Variants in PLCL2 observed in about 807,000 individuals in gnomAD.
PLCL2 encodes inactive phospholipase C-like protein 2.
In PLCL2, 4 loss-of-function variants were observed where a neutral mutation model predicts 79.6. That is an observed-to-expected ratio of 0.05 (90% CI 0.02 to 0.11). The LOEUF (loss-of-function observed/expected upper bound fraction) is 0.11, where lower values mean the gene tolerates loss of function less well. PLCL2 is among the 10% of genes least tolerant of loss of function. The pLI, the probability that PLCL2 is intolerant of heterozygous loss-of-function variation, is 1.00. For synonymous variants in PLCL2, 484 were observed against 457.7 expected, an observed-to-expected ratio of 1.06 and a Z score of -0.73; for missense variants, 895 against 1,291.0, an observed-to-expected ratio of 0.69 and a Z score of 4.70.
intron 5 of PLCL2, among the ~76,000 whole-genome samples, chr3:17,079,273 C>G (rs559436531): frequency 6.6e-6 from 1 of 152,276 alleles, no homozygotes; most frequent in African/African-American, 2.4e-5. Flanking sequence ...CTGGAACCCT[C>G]TCCTGACACC....
At chr3:17,085,110 A>G (rs1010081305) in intron 5 of PLCL2, among the ~76,000 whole-genome samples, 3 of 152,116 alleles carry the variant, frequency 2.0e-5, no homozygotes, top group Admixed American at 2.0e-4. Context: ...AGGTTAGTAT[A>G]CAAAAATCAA....
At chr3:16,985,004 ATAACTGTTTT>A (rs1294410149) in intron 1 of PLCL2, among the ~76,000 whole-genome samples, 6 of 152,180 alleles carry the variant, frequency 3.9e-5, no homozygotes, top group Non-Finnish European at 8.8e-5. Flanking sequence ...AGAAGCTAAG[ATAACTGTTTT>A]CATGAAGTAT....
Position 17,011,490 on chromosome 3 carries a change from T to C in PLCL2, c.2144T>C (p.Ile715Thr). ...CCAGGACTGATGATGGACCTGAATA[T>C]TGGCTGGTTTAGGCAGAACGGAAAC... ...QTPGLMMDLN[I>T]GWFRQNGNCG... Residue 715 changes from isoleucine (I) to threonine (T), a missense_variant, in exon 2 of 6, where the codon ATT (isoleucine) becomes ACT (threonine). Physicochemically the swap from Ile to Thr is moderately conservative, Grantham distance 89. Coordinates refer to ENST00000615277, the MANE Select transcript of PLCL2 (RefSeq NM_001144382.2). The surrounding 1 kb of genome is among the most constrained non-coding windows in gnomAD (Gnocchi z 7.9). 1.2e-6 allele frequency: 2 copies of C among 1,614,192 alleles called. No homozygotes were observed. The highest frequency in any genetic ancestry group is 1.7e-6 in the Non-Finnish European group (2 of 1,180,026).
rs180745976 is a variant in PLCL2, at chr3:17,072,538, G to A, written c.3204+4473G>A. Among the ~76,000 whole-genome samples the A allele has an allele frequency of 3.9e-5, 6 of 151,992 alleles. No individual in the cohort carries two copies. The East Asian group carries it at 5.8e-4, about 15-fold the overall frequency. ...ACAAAAATTAGTTGGGCATGGTGGC[G>A]GGTGCTTGTAATCCCAGCTACTTGG... On this transcript the variant is annotated intron_variant, in intron 5 of 5. Transcript: ENST00000615277.
intron 1 of PLCL2, among the ~76,000 whole-genome samples, chr3:16,998,709 G>A (rs1348863844): frequency 6.6e-6 from 1 of 152,174 alleles, no homozygotes; most frequent in Non-Finnish European, 1.5e-5. Context: ...AAACATTTTG[G>A]TAGTAGTGAA....
intron 1 of PLCL2, among the ~76,000 whole-genome samples, chr3:16,920,472 T>C (rs1291262823): frequency 1.3e-5 from 2 of 152,158 alleles, no homozygotes; most frequent in African/African-American, 4.8e-5. Flanking sequence ...GATTATATGA[T>C]AAATTCTCAC....
At chr3:16,889,987 A>G (rs1696309596) in intron 1 of PLCL2, among the ~76,000 whole-genome samples, 1 of 152,226 alleles carries the variant, frequency 6.6e-6, no homozygotes, top group South Asian at 2.1e-4. Context: ...CTGGATAGAT[A>G]GGAAACCTGG....
chr3:16,920,911 A>G (rs936668312), intron 1 of PLCL2, among the ~76,000 whole-genome samples: 1 of 152,152 alleles, frequency 6.6e-6, no homozygotes, highest in African/African-American at 2.4e-5. Context: ...TTTGTCCTTT[A>G]AAGGAAGTTT....
chr3:16,970,301 A>C (rs1249711955), intron 1 of PLCL2, among the ~76,000 whole-genome samples: 3 of 151,896 alleles, frequency 2.0e-5, no homozygotes, highest in Admixed American at 1.3e-4. Flanking sequence ...AATAAGTGAG[A>C]ACATGCGGTG....
intron 1 of PLCL2, among the ~76,000 whole-genome samples, chr3:16,965,944 A>G (rs2063802204): frequency 6.6e-6 from 1 of 152,170 alleles, no homozygotes; most frequent in African/African-American, 2.4e-5. Flanking sequence ...GATTTTCTAA[A>G]TACACATGTC....
At chr3:16,989,119 T>C (rs1171956009) in intron 1 of PLCL2, among the ~76,000 whole-genome samples, 1 of 152,162 alleles carries the variant, frequency 6.6e-6, no homozygotes, top group Non-Finnish European at 1.5e-5. Context: ...TTAGCAATTA[T>C]GTTCATTTGT....
rs149323242 is a variant in PLCL2 at position 16,919,067 on chromosome 3, TTTAA to T, written c.327+33706_327+33709del. Among the ~76,000 whole-genome samples the T allele has an allele frequency of 4.0e-3, 611 of 152,298 alleles. 2 individuals carry two copies. The highest frequency in any genetic ancestry group is 0.014 in the African/African-American group (585 of 41,572). On this transcript the variant is annotated intron_variant, in intron 1 of 5. Coordinates refer to ENST00000615277, the MANE Select transcript of PLCL2 (RefSeq NM_001144382.2). ...ACCATAATACTTCGTTGTGAAATAG[TTTAA>T]TTAAAATTTTTAGTTTTATTTGTTT... is the stretch of plus-strand genomic sequence containing the variant.
chr3:17,075,626 A>G (rs879019293), intron 5 of PLCL2, among the ~76,000 whole-genome samples: 1 of 151,846 alleles, frequency 6.6e-6, no homozygotes, highest in African/African-American at 2.4e-5. Flanking sequence ...CCCCAGCACA[A>G]TGATGGTAGG....
intron 4 of PLCL2, among the ~76,000 whole-genome samples, chr3:17,043,294 G>A (rs574598610): frequency 6.6e-6 from 1 of 151,758 alleles, no homozygotes; most frequent in South Asian, 2.1e-4. Context: ...GGTCACCCGT[G>A]ACTCTGGTAC....
At chr3:17,040,128 T>A (rs1026323421) in intron 3 of PLCL2, among the ~76,000 whole-genome samples, 4 of 152,178 alleles carry the variant, frequency 2.6e-5, no homozygotes, top group Admixed American at 6.5e-5. Flanking sequence ...GTTCTTTTTT[T>A]TATATATATA....
intron 1 of PLCL2, among the ~76,000 whole-genome samples, chr3:16,890,967 A>G (rs1696333379): frequency 6.6e-6 from 1 of 152,218 alleles, no homozygotes; most frequent in Admixed American, 6.5e-5. Context: ...GCACCCACCC[A>G]TTCCAGAATG....
At chr3:16,911,896 A>G (rs1045532961) in intron 1 of PLCL2, among the ~76,000 whole-genome samples, 3 of 152,240 alleles carry the variant, frequency 2.0e-5, no homozygotes, top group African/African-American at 4.8e-5. Context: ...TTCAGTGTAC[A>G]TAAACTTTGT....
At chr3:17,037,128 C>A (rs1227112476) in intron 3 of PLCL2, among the ~76,000 whole-genome samples, 1 of 152,106 alleles carries the variant, frequency 6.6e-6, no homozygotes, top group Non-Finnish European at 1.5e-5. Context: ...TTTCTGAAAA[C>A]CTTATCCATG....
intron 4 of PLCL2, 132 bp from the exon 5 acceptor site, chr3:17,067,824 A>T: frequency 1.8e-6 from 1 of 551,678 alleles, no homozygotes; most frequent in Non-Finnish European, 3.2e-6. Context: ...TTACATTCTT[A>T]AATGGACACA....
Sources: allele counts gnomAD v4.1 joint callset (sites outside exome capture counted in the v4.1 genomes callset), GRCh38; gene constraint gnomAD v4.1.1; non-coding constraint Gnocchi (gnomAD v3.1); transcripts MANE v1.5; gene names NCBI Gene and HGNC (gene_info 2026-07-23, HGNC 2026-07-21).